The following RASGRF2 variants were observed in gnomAD, a reference collection of about 807,000 sequenced individuals.
RASGRF2 encodes the protein ras-specific guanine nucleotide-releasing factor 2.
A neutral mutation model predicts 151.0 loss-of-function variants in RASGRF2; 76 were observed. The observed-to-expected ratio is 0.50, with a 90% CI of 0.42 to 0.61. The LOEUF (loss-of-function observed/expected upper bound fraction) is 0.61. Ranked by LOEUF, RASGRF2 falls within the 20% of genes least tolerant of loss-of-function variation. The probability of loss-of-function intolerance (pLI) is 0.00; values close to 1 mark genes in which losing one functional copy is unlikely to be tolerated. For synonymous variants in RASGRF2, 504 were observed against 566.5 expected (o/e 0.89, Z 1.57); for missense variants, 1,148 against 1,564.6 (o/e 0.73, Z 4.49).
chr5:81,137,123 G>A (rs1753773362), intron 17 of RASGRF2, among the ~76,000 whole-genome samples: 1 of 152,122 alleles, frequency 6.6e-6, no homozygotes, highest in Admixed American at 6.5e-5. Context: ...AGCACTTTCA[G>A]TAGAAACTGT....
At chr5:81,089,707 A>C (rs1017834947) in intron 9 of RASGRF2, among the ~76,000 whole-genome samples, 1 of 152,146 alleles carries the variant, frequency 6.6e-6, no homozygotes, top group Admixed American at 6.6e-5. Flanking sequence ...TGTCTCCCCT[A>C]CTTCCTTGCT....
At chr5:81,069,129 G>A (rs551416450) in intron 3 of RASGRF2, among the ~76,000 whole-genome samples, 10 of 152,244 alleles carry the variant, frequency 6.6e-5, no homozygotes, top group African/African-American at 1.9e-4. Context: ...TCCTTTTTGT[G>A]TCTTGCACCT....
rs904315881 is a variant in RASGRF2, at chr5:81,024,675, G to T, written c.289-18202G>T. On this transcript the variant is annotated intron_variant, in intron 1 of 26. Coordinates refer to ENST00000265080, the MANE Select transcript of RASGRF2 (RefSeq NM_006909.3). ...GAGGTGGGACAACTGGAAGAACTCTGTTTTGGTTTTTGGTTTTCTTTTTCA... is the reference window on the plus strand; with the variant it reads ...GAGGTGGGACAACTGGAAGAACTCTTTTTTGGTTTTTGGTTTTCTTTTTCA... 2.0e-4 allele frequency among the ~76,000 whole-genome samples: 31 copies of T among 152,306 alleles called. 1 individual carries two copies. Among genetic ancestry groups the T allele is most frequent in the African/African-American group, 6.5e-4 (27 of 41,578 alleles).
chr5:81,032,880 T>C (rs1284643982), intron 1 of RASGRF2, among the ~76,000 whole-genome samples: 3 of 152,184 alleles, frequency 2.0e-5, no homozygotes, highest in South Asian at 2.1e-4. Context: ...GATGACATGA[T>C]TGTATATTTA....
chr5:80,969,599 C>G (rs1007344344), intron 1 of RASGRF2, among the ~76,000 whole-genome samples: 1 of 151,204 alleles, frequency 6.6e-6, no homozygotes, highest in African/African-American at 2.4e-5. Flanking sequence ...CAGGCACCCG[C>G]CACCACGCCC....
At chr5:81,182,125 A>C (rs1257129430) in intron 18 of RASGRF2, among the ~76,000 whole-genome samples, 1 of 152,168 alleles carries the variant, frequency 6.6e-6, no homozygotes, top group Non-Finnish European at 1.5e-5. Flanking sequence ...TACATGAGCA[A>C]GCTTGTCCAT....
intron 1 of RASGRF2, among the ~76,000 whole-genome samples, chr5:80,999,993 C>T (rs1418540574): frequency 6.6e-6 from 1 of 152,128 alleles, no homozygotes; most frequent in Non-Finnish European, 1.5e-5. Flanking sequence ...CTTCTGTGTT[C>T]CACGATATCT....
chr5:81,151,890 C>T (rs1754143669), intron 17 of RASGRF2, among the ~76,000 whole-genome samples: 1 of 152,104 alleles, frequency 6.6e-6, no homozygotes, highest in South Asian at 2.1e-4. Context: ...GTCTTGATTA[C>T]TTTTTAGACA....
At chr5:81,182,249 G>A (rs2112678861) in intron 18 of RASGRF2, among the ~76,000 whole-genome samples, 1 of 152,214 alleles carries the variant, frequency 6.6e-6, no homozygotes, top group Non-Finnish European at 1.5e-5. Context: ...CTCACCATTG[G>A]GTAAAATACA....
At chr5:80,966,769 A>G (rs1394262933) in intron 1 of RASGRF2, among the ~76,000 whole-genome samples, 1 of 152,206 alleles carries the variant, frequency 6.6e-6, no homozygotes, top group Non-Finnish European at 1.5e-5. Flanking sequence ...GGCACTTGAA[A>G]AACTAATGAT....
intron 7 of RASGRF2, among the ~76,000 whole-genome samples, chr5:81,085,454 G>A (rs1752200390): frequency 6.6e-6 from 1 of 152,102 alleles, no homozygotes; most frequent in Non-Finnish European, 1.5e-5. Flanking sequence ...ACAGACTCAA[G>A]TGACTTGATG....
At position 81,094,276 on chromosome 5, in the gene RASGRF2, A is replaced by T; in HGVS notation, c.1552-20A>T. 6.2e-7 allele frequency: 1 copy of T among 1,607,538 alleles called. No individual in the cohort carries two copies. Among genetic ancestry groups the T allele is most frequent in the Non-Finnish European group, 8.5e-7 (1 of 1,175,084 alleles). On this transcript the variant is annotated intron_variant, in intron 10 of 26. Transcript: ENST00000265080. ...ACACAAGACCTTCAGCGTCTTAGTG[A>T]AAAATTGGTTTGTTTCCAGACAGGT...
intron 1 of RASGRF2, among the ~76,000 whole-genome samples, chr5:81,011,528 A>G (rs564459): frequency 0.56 from 84,583 of 151,952 alleles, 23,978 homozygotes; most frequent in Middle Eastern, 0.69. Context: ...GATCACCTGA[A>G]GTTGGGAGTT....
chr5:80,971,165 T>C (rs767928674), intron 1 of RASGRF2, among the ~76,000 whole-genome samples: 5 of 152,236 alleles, frequency 3.3e-5, no homozygotes, highest in Non-Finnish European at 5.9e-5. Flanking sequence ...AATATTTTTG[T>C]AATCAGCACC....
intron 23 of RASGRF2, among the ~76,000 whole-genome samples, chr5:81,213,448 C>A (rs1335675541): frequency 6.6e-6 from 1 of 152,182 alleles, no homozygotes; most frequent in African/African-American, 2.4e-5. Flanking sequence ...TCTGCCTAAC[C>A]CTCCCCTGCC....
At chr5:81,078,742 C>T (rs1452873977) in intron 5 of RASGRF2, among the ~76,000 whole-genome samples, 1 of 152,152 alleles carries the variant, frequency 6.6e-6, no homozygotes, top group East Asian at 1.9e-4. Flanking sequence ...ATCCAGGTAT[C>T]AAAATATGAA....
At chr5:81,178,289 A>G (rs1289375707) in intron 17 of RASGRF2, among the ~76,000 whole-genome samples, 1 of 152,184 alleles carries the variant, frequency 6.6e-6, no homozygotes, top group Non-Finnish European at 1.5e-5. Flanking sequence ...ATAGGACAGG[A>G]ATAATTCCAA....
chr5:81,158,709 G>A (rs1270785077), intron 17 of RASGRF2, among the ~76,000 whole-genome samples: 1 of 152,100 alleles, frequency 6.6e-6, no homozygotes, highest in Non-Finnish European at 1.5e-5. Context: ...AATGTCGTTA[G>A]TCATTAGAAG....
At chr5:81,199,717 G>A (rs901057554) in intron 18 of RASGRF2, among the ~76,000 whole-genome samples, 1 of 151,916 alleles carries the variant, frequency 6.6e-6, no homozygotes, top group Non-Finnish European at 1.5e-5. Context: ...GGCCAACATG[G>A]TGAAACCCTG....
Sources: allele counts gnomAD v4.1 joint callset (sites outside exome capture counted in the v4.1 genomes callset), GRCh38; gene constraint gnomAD v4.1.1; transcripts MANE v1.5; gene names NCBI Gene and HGNC (gene_info 2026-07-23, HGNC 2026-07-21).